ECT2: variants seen among roughly 807,000 people sequenced by gnomAD.
ECT2 encodes epithelial cell transforming 2, also known as protein ECT2.
Under a neutral mutation model 116.9 loss-of-function variants are expected in ECT2, and 61 were observed. The ratio of observed to expected loss-of-function variants is 0.52; its 90% CI spans 0.42 to 0.65. The LOEUF is 0.65. ECT2 is among the 30% of genes least tolerant of loss of function. ECT2 has a pLI of 0.00. For missense variants in ECT2, 937 were observed against 1,078.7 expected, an observed-to-expected ratio of 0.87 and a Z score of 1.84; for synonymous variants, 358 against 346.4, an observed-to-expected ratio of 1.03 and a Z score of -0.37.
chr3:172,809,426 T>C (rs1303893584), intron 22 of ECT2, among the ~76,000 whole-genome samples: 1 of 152,138 alleles, frequency 6.6e-6, no homozygotes, highest in African/African-American at 2.4e-5. Flanking sequence ...TCTATTGAAA[T>C]TTTGTTCTTA....
chr3:172,796,807 C>T (rs1433317961), intron 18 of ECT2, among the ~76,000 whole-genome samples: 3 of 152,066 alleles, frequency 2.0e-5, no homozygotes, highest in Non-Finnish European at 4.4e-5. Context: ...GCTGGGATTT[C>T]AGGCACATGC....
chr3:172,805,821 A>C lies in ECT2; in HGVS notation c.2197A>C (p.Met733Leu). Residue 733 changes from methionine to leucine, a missense_variant, in exon 21 of 25, where the codon ATG becomes CTG. Transcript: ENST00000392692. ...PPASLKHIHL[M>L]PLSQIKKVLD... ...AGCTTCTCTTAAGCATATTCACCTA[A>C]TGCCTCTTTCTCAGATTAAGAAGGT... 1 of 1,613,788 alleles carries C rather than the reference A, an allele frequency of 6.2e-7. No homozygotes were observed.
At chr3:172,767,176 C>T (rs1576877778) in intron 12 of ECT2, among the ~76,000 whole-genome samples, 1 of 152,146 alleles carries the variant, frequency 6.6e-6, no homozygotes, top group Non-Finnish European at 1.5e-5. Context: ...GGCGCGGTGG[C>T]CCACGCCTGT....
rs767046239 is a variant in ECT2, at chr3:172,802,987, A to G, written c.2106+7A>G. ...CTTCAATGATTGCCTAGAGGTAAAG[A>G]TGTACTTCACATAGTATAATAACAC... On this transcript the variant is annotated splice_region_variant and intron_variant, in intron 20 of 24. Coordinates refer to ENST00000392692, the MANE Select transcript of ECT2 (RefSeq NM_001258315.2). 3.7e-6 allele frequency: 6 copies of G among 1,607,980 alleles called. No homozygotes were observed. The highest frequency in any genetic ancestry group is 5.1e-6 in the Non-Finnish European group (6 of 1,177,954).
intron 17 of ECT2, among the ~76,000 whole-genome samples, chr3:172,786,236 A>G (rs59071757): frequency 0.061 from 9,338 of 152,246 alleles, 967 homozygotes; most frequent in African/African-American, 0.21. Context: ...GGAGTCCCCA[A>G]GCATTACTTG....
At chr3:172,785,697 A>G (rs1050755051) in intron 17 of ECT2, among the ~76,000 whole-genome samples, 5 of 152,206 alleles carry the variant, frequency 3.3e-5, no homozygotes, top group Non-Finnish European at 7.3e-5. Context: ...AGTACTAACT[A>G]AAAATCTGAC....
chr3:172,804,547 G>T (rs577627413), intron 20 of ECT2, among the ~76,000 whole-genome samples: 1 of 152,034 alleles, frequency 6.6e-6, no homozygotes, highest in Non-Finnish European at 1.5e-5. Flanking sequence ...ATCTGGATTC[G>T]CATCATCATG....
chr3:172,764,549 T>A, intron 12 of ECT2, 49 bp downstream of exon 12: 2 of 1,505,294 alleles, frequency 1.3e-6, no homozygotes, highest in Non-Finnish European at 1.8e-6. Flanking sequence ...TGGAATGGAA[T>A]AATTGTTAGA....
intron 23 of ECT2, among the ~76,000 whole-genome samples, chr3:172,815,913 T>C (rs532440689): frequency 8.6e-4 from 131 of 152,302 alleles, no homozygotes; most frequent in African/African-American, 3.0e-3. Flanking sequence ...ATCCCTCCCG[T>C]TACTGTAATA....
chr3:172,762,324 G>T, intron 8 of ECT2, 92 bp from the exon 9 acceptor site: 1 of 1,318,512 alleles, frequency 7.6e-7, no homozygotes, highest in Non-Finnish European at 1.0e-6. Flanking sequence ...ATTATGCCAA[G>T]ACCTTGAAAA....
At chr3:172,773,086 AACTTTGAT>A (rs1720947054) in intron 13 of ECT2, among the ~76,000 whole-genome samples, 1 of 152,200 alleles carries the variant, frequency 6.6e-6, no homozygotes, top group Non-Finnish European at 1.5e-5. Context: ...GAAGCCCTGG[AACTTTGAT>A]TGGCACTAAA....
intron 18 of ECT2, among the ~76,000 whole-genome samples, chr3:172,797,018 CTGTGTGTG>C (rs57188529): frequency 5.8e-5 from 8 of 139,032 alleles, no homozygotes; most frequent in Non-Finnish European, 3.1e-5. Flanking sequence ...TCAGGTTCAA[CTGTGTGTG>C]TGTGTGTGTG....
downstream of ECT2, among the ~76,000 whole-genome samples, chr3:172,826,045 C>T (rs970295399): frequency 9.9e-5 from 15 of 152,152 alleles, no homozygotes; most frequent in Admixed American, 3.3e-4. Context: ...AGGCACGCCC[C>T]GCCACGCCCT....
intron 17 of ECT2, among the ~76,000 whole-genome samples, chr3:172,785,468 T>C (rs1723445840): frequency 6.6e-6 from 1 of 151,286 alleles, no homozygotes; most frequent in East Asian, 1.9e-4. Context: ...AGCCCAGGAG[T>C]TGGAGACCAG....
chr3:172,779,778 A>T lies in ECT2; in HGVS notation c.1549-2385A>T, dbSNP rs551037361. Among the ~76,000 whole-genome samples the T allele has an allele frequency of 2.6e-5, 4 of 152,198 alleles. No individual in the cohort carries two copies. The East Asian group carries it at 7.7e-4, about 29-fold the overall frequency. On this transcript the variant is annotated intron_variant, in intron 14 of 24. Transcript: ENST00000392692. ...ACAGCTGGCTGTGGTGGCACATGCC[A>T]GTAGTCCCAGCTACTTGGGAAGCTT...
intron 24 of ECT2, chr3:172,818,418 A>T: frequency 2.1e-6 from 1 of 477,206 alleles, no homozygotes; most frequent in Non-Finnish European, 2.8e-6. Context: ...AATGAATTTT[A>T]TAGAAAATTT....
At position 172,783,923 on chromosome 3, in the gene ECT2, C is replaced by G; in HGVS notation, c.1728+14C>G. On this transcript the variant is annotated intron_variant, in intron 16 of 24. Transcript: ENST00000392692. ...GCTTTTCTCAAGGTAATGTGTGTTT[C>G]TTTCAAATAAAAATTTGAGAATTAT... 2.7e-6 allele frequency: 4 copies of G among 1,483,274 alleles called. No homozygotes were observed. The highest frequency in any genetic ancestry group is 3.7e-6 in the Non-Finnish European group (4 of 1,089,438). The allele number at this position is 1,483,274 out of a possible 1,614,324, so 91.9% of individuals were successfully genotyped here. A position where few individuals can be genotyped will look rare whatever the true frequency, so the allele number is the denominator to read the frequency against.
intron 1 of ECT2, among the ~76,000 whole-genome samples, chr3:172,751,914 T>TA (rs1373534326): frequency 6.6e-6 from 1 of 152,196 alleles, no homozygotes; most frequent in African/African-American, 2.4e-5. Context: ...GTCATCAAGT[T>TA]ACCGTAGTGC....
In ECT2 at chr3:172,760,415, AAG is replaced by A. The variant is rs1311342624; in HGVS notation, c.684+155_684+156del. 9 of 485,582 alleles carry A rather than the reference AAG, an allele frequency of 1.9e-5. No individual in the cohort carries two copies. In the Admixed American group the frequency reaches 2.4e-4, roughly 13 times the overall value. The allele number at this position is 485,582 out of a possible 1,614,324, so 30.1% of individuals were successfully genotyped here. On this transcript the variant is annotated intron_variant, in intron 7 of 24. Coordinates refer to ENST00000392692, the MANE Select transcript of ECT2 (RefSeq NM_001258315.2). ...TATTTAGTAAAAAATTTTAAATCAT[AAG>A]AGTGGTTAAATTTTCTTTCTTTTCT...
Sources: allele counts gnomAD v4.1 joint callset (sites outside exome capture counted in the v4.1 genomes callset), GRCh38; gene constraint gnomAD v4.1.1; transcripts MANE v1.5; gene names NCBI Gene and HGNC (gene_info 2026-07-23, HGNC 2026-07-21).